MCC: variants seen among roughly 807,000 people sequenced by gnomAD.
MCC encodes the protein MCC regulator of Wnt signaling pathway, also known as colorectal mutant cancer protein.
A neutral mutation model predicts 116.2 loss-of-function variants in MCC; 90 were observed. That is an observed-to-expected ratio of 0.77 (90% CI 0.65 to 0.92). The LOEUF (loss-of-function observed/expected upper bound fraction) is 0.92, where lower values mean the gene tolerates loss of function less well. Among genes scored for constraint, MCC ranks in the 40% least tolerant of loss-of-function variants. MCC has a pLI of 0.00. For synonymous variants in MCC, 578 were observed against 510.5 expected (o/e 1.13, Z -1.78); for missense variants, 1,516 against 1,312.2 (o/e 1.16, Z -2.40).
chr5:113,055,014 G>C lies in MCC; in HGVS notation c.2214-1055C>G, dbSNP rs183736678. Reference sequence around the variant, plus strand: ...TCTGCACTTGCACTGGGCCTCCCTAGGGGTGACTCGCCCCTCATGGAACTG... The same window carrying C: ...TCTGCACTTGCACTGGGCCTCCCTACGGGTGACTCGCCCCTCATGGAACTG... On this transcript the variant is annotated intron_variant, in intron 14 of 18. Transcript: ENST00000408903. Among the ~76,000 whole-genome samples, 7 of 152,328 alleles carry C rather than the reference G, an allele frequency of 4.6e-5. No individual in the cohort carries two copies. In the East Asian group the frequency reaches 1.4e-3, roughly 29 times the overall value.
At chr5:113,172,544 T>G (rs1459927942) in intron 3 of MCC, among the ~76,000 whole-genome samples, 2 of 152,212 alleles carry the variant, frequency 1.3e-5, no homozygotes, top group Admixed American at 6.5e-5. Context: ...GAAATGTTCT[T>G]TCCCCACCTC....
At chr5:113,163,449 A>G (rs1457544160) in intron 3 of MCC, among the ~76,000 whole-genome samples, 2 of 152,032 alleles carry the variant, frequency 1.3e-5, no homozygotes, top group Non-Finnish European at 2.9e-5. Flanking sequence ...TTGGTTTCCA[A>G]TTGTCCCCCA....
intron 6 of MCC, chr5:113,104,576 C>A (rs1756624340): frequency 2.4e-6 from 1 of 413,776 alleles, no homozygotes; most frequent in Non-Finnish European, 4.3e-6. Flanking sequence ...TTTCTGAATT[C>A]TCTTGTCTTT....
At chr5:113,386,814 T>TACACATACACGC (rs70973681) in intron 1 of MCC, among the ~76,000 whole-genome samples, 1 of 149,714 alleles carries the variant, frequency 6.7e-6, no homozygotes. Flanking sequence ...CATATACACA[T>TACACATACACGC]ACACATATAT....
intron 2 of MCC, among the ~76,000 whole-genome samples, chr5:113,364,235 A>C (rs1401784037): frequency 9.9e-5 from 13 of 131,750 alleles, no homozygotes; most frequent in South Asian, 2.3e-4. Context: ...TTTCTCAAAA[A>C]CAGAAAAAAA....
rs558608537 is a variant in MCC, at chr5:113,145,737, TACACACACACACACACACACACAC to T, written c.742-2401_742-2378del. Among the ~76,000 whole-genome samples, 120 of 123,528 alleles carry T rather than the reference TACACACACACACACACACACACAC, an allele frequency of 9.7e-4. 2 individuals carry two copies. In the East Asian group the frequency reaches 9.8e-3, roughly 10 times the overall value. The allele number at this position is 123,528 out of a possible 152,430, so 81.0% of individuals were successfully genotyped here. On this transcript the variant is annotated intron_variant, in intron 4 of 18. Transcript: ENST00000408903. ...CTTTTGTTTCTCTAATAAACTTGCT[TACACACACACACACACACACACAC>T]ACACACACACACACACACACACAAA... is the stretch of plus-strand genomic sequence containing the variant.
chr5:113,113,886 CA>C (rs1757246263), intron 6 of MCC, among the ~76,000 whole-genome samples: 1 of 151,938 alleles, frequency 6.6e-6, no homozygotes, highest in Non-Finnish European at 1.5e-5. Flanking sequence ...TGGGACTAAA[CA>C]AAAGCAACCA....
chr5:113,104,243 C>G lies in MCC; in HGVS notation c.1140G>C (p.Lys380Asn). The G allele has an allele frequency of 6.2e-7, 1 of 1,614,064 alleles. No individual in the cohort carries two copies. The highest frequency in any genetic ancestry group is 8.5e-7 in the Non-Finnish European group (1 of 1,180,020). The part of the protein sequence containing the change: ...SCSLSVAEVD[K>N]HIEQLTTASE... ...TGGCTGTGGTGAGCTGCTCAATGTG[C>G]TTGTCCACCTCGGCCACGGAGAGGC... is the stretch of plus-strand genomic sequence containing the variant. Residue 380 changes from lysine to asparagine, a missense_variant, in exon 7 of 19, where the codon AAG becomes AAC. Lys to Asn is a moderately conservative substitution (Grantham distance 94, BLOSUM62 0). Coordinates refer to ENST00000408903, the MANE Select transcript of MCC (RefSeq NM_001085377.2).
intron 3 of MCC, among the ~76,000 whole-genome samples, chr5:113,185,126 T>TA (rs1383749057): frequency 6.6e-6 from 1 of 152,216 alleles, no homozygotes. Context: ...AACATCAACT[T>TA]AATGAAGAGA....
chr5:113,264,092 G>A (rs954434406), intron 3 of MCC, among the ~76,000 whole-genome samples: 73 of 152,250 alleles, frequency 4.8e-4, no homozygotes, highest in African/African-American at 1.4e-3. Flanking sequence ...AAGTGATTCC[G>A]AAAGATATGA....
At chr5:113,084,227 C>G in intron 9 of MCC, 37 bp from the exon 10 acceptor site, 2 of 1,475,814 alleles carry the variant, frequency 1.4e-6, no homozygotes, top group Non-Finnish European at 1.9e-6. Flanking sequence ...GAAAACTACA[C>G]ACCACTCCTC....
At chr5:113,339,438 T>TGTGTGTGCGC (rs145838279) in intron 3 of MCC, among the ~76,000 whole-genome samples, 2,690 of 149,624 alleles carry the variant, frequency 0.018, 68 homozygotes, top group African/African-American at 0.054. Flanking sequence ...TGTGTGTGTG[T>TGTGTGTGCGC]GCGTGCATGT....
intron 1 of MCC, among the ~76,000 whole-genome samples, chr5:113,398,676 C>T (rs1769598047): frequency 6.6e-6 from 1 of 152,158 alleles, no homozygotes; most frequent in Non-Finnish European, 1.5e-5. Context: ...TTGGGAGCTA[C>T]TACATGGGAG....
intron 1 of MCC, among the ~76,000 whole-genome samples, chr5:113,447,285 G>T (rs1375477558): frequency 1.3e-5 from 2 of 152,126 alleles, no homozygotes; most frequent in African/African-American, 4.8e-5. Flanking sequence ...GGTAGGAAGG[G>T]GTGGGTGGTC....
chr5:113,445,103 T>C (rs1771170819), intron 1 of MCC, among the ~76,000 whole-genome samples: 1 of 152,214 alleles, frequency 6.6e-6, no homozygotes, highest in African/African-American at 2.4e-5. Context: ...TGGAGTATGG[T>C]CATGGTCTCA....
intron 3 of MCC, among the ~76,000 whole-genome samples, chr5:113,197,405 T>A (rs1045510751): frequency 6.6e-6 from 1 of 152,110 alleles, no homozygotes; most frequent in South Asian, 2.1e-4. Flanking sequence ...TTTTAGGCAG[T>A]GAAAAGGCTG....
At chr5:113,201,882 T>C (rs949437404) in intron 3 of MCC, among the ~76,000 whole-genome samples, 4 of 152,138 alleles carry the variant, frequency 2.6e-5, no homozygotes, top group African/African-American at 9.7e-5. Context: ...AGTGGTTTCC[T>C]GTCCCGCCAT....
chr5:113,075,396 G>A (rs182787524), intron 11 of MCC, among the ~76,000 whole-genome samples: 54 of 152,270 alleles, frequency 3.5e-4, no homozygotes, highest in Non-Finnish European at 6.6e-4. Context: ...CAGTCCCATC[G>A]ACCGCCCAAG....
intron 3 of MCC, among the ~76,000 whole-genome samples, chr5:113,244,958 T>C (rs1764514976): frequency 6.6e-6 from 1 of 152,216 alleles, no homozygotes; most frequent in African/African-American, 2.4e-5. Flanking sequence ...AACTTAATAT[T>C]GATTAGCCAT....
Sources: allele counts gnomAD v4.1 joint callset (sites outside exome capture counted in the v4.1 genomes callset), GRCh38; gene constraint gnomAD v4.1.1; transcripts MANE v1.5; gene names NCBI Gene and HGNC (gene_info 2026-07-23, HGNC 2026-07-21).